GRAMD1B: variants seen among roughly 807,000 people sequenced by gnomAD.
GRAMD1B encodes the protein GRAM domain containing 1B.
GRAMD1B carries 37 observed loss-of-function variants against 99.7 expected under a neutral mutation model. That is an observed-to-expected ratio of 0.37 (90% CI 0.29 to 0.49). GRAMD1B has a LOEUF of 0.49. Among genes scored for constraint, GRAMD1B ranks in the 20% least tolerant of loss-of-function variants. The probability of loss-of-function intolerance (pLI) is 0.98; values close to 1 mark genes in which losing one functional copy is unlikely to be tolerated. For synonymous variants in GRAMD1B, 427 were observed against 387.6 expected, an observed-to-expected ratio of 1.10 and a Z score of -1.19; for missense variants, 888 against 1,009.2, an observed-to-expected ratio of 0.88 and a Z score of 1.63.
intron 1 of GRAMD1B, among the ~76,000 whole-genome samples, chr11:123,391,775 A>G (rs2135858261): frequency 6.6e-6 from 1 of 152,170 alleles, no homozygotes; most frequent in Admixed American, 6.6e-5. Flanking sequence ...TAATTCTTTC[A>G]CCAAATATGT....
intron 1 of GRAMD1B, among the ~76,000 whole-genome samples, chr11:123,448,395 T>G (rs971431559): frequency 6.6e-6 from 1 of 152,102 alleles, no homozygotes; most frequent in Non-Finnish European, 1.5e-5. Context: ...AACTTTTGTA[T>G]TTTTGGTAGA....
At chr11:123,521,758 G>T (rs529165994) in intron 2 of GRAMD1B, among the ~76,000 whole-genome samples, 90 of 152,336 alleles carry the variant, frequency 5.9e-4, no homozygotes, top group African/African-American at 2.1e-3. Flanking sequence ...CTTACAGTGA[G>T]AGTGTAGTCC....
intron 1 of GRAMD1B, among the ~76,000 whole-genome samples, chr11:123,387,628 T>C (rs1253218679): frequency 6.6e-6 from 1 of 152,132 alleles, no homozygotes; most frequent in East Asian, 1.9e-4. Context: ...ACTACTTGGA[T>C]TCCAGCTCCA....
chr11:123,551,590 T>C (rs189799864), intron 2 of GRAMD1B, among the ~76,000 whole-genome samples: 9 of 152,246 alleles, frequency 5.9e-5, no homozygotes, highest in Non-Finnish European at 8.8e-5. Context: ...GGAAAGAACA[T>C]AGGACTTTGT....
intron 2 of GRAMD1B, among the ~76,000 whole-genome samples, chr11:123,521,105 T>TA (rs1378452256): frequency 2.6e-5 from 4 of 152,232 alleles, no homozygotes; most frequent in Non-Finnish European, 4.4e-5. Context: ...GTAGAACTGT[T>TA]ACGTATTAGA....
intron 10 of GRAMD1B, 120 bp from the exon 11 acceptor site, chr11:123,606,489 C>A: frequency 1.2e-6 from 1 of 854,180 alleles, no homozygotes; most frequent in Non-Finnish European, 1.8e-6. Context: ...ACTCTGACTT[C>A]GCTCCTGAGC....
At position 123,610,927 on chromosome 11, in the gene GRAMD1B, G is replaced by A. The variant is rs915249206; in HGVS notation, c.1919+589G>A. ...AATAATTAGTTCTGGGCACTGTGAA[G>A]TGCTTCCAAAGGAAGGAAGACATTT... On this transcript the variant is annotated intron_variant, in intron 14 of 19. Coordinates refer to ENST00000635736, the MANE Select transcript of GRAMD1B (RefSeq NM_001387025.1). The surrounding 1 kb of genome is among the most constrained non-coding windows in gnomAD (Gnocchi z 4.1). Among the ~76,000 whole-genome samples the A allele has an allele frequency of 1.3e-5, 2 of 152,232 alleles. No individual in the cohort carries two copies. The highest frequency in any genetic ancestry group is 2.9e-5 in the Non-Finnish European group (2 of 68,046).
chr11:123,466,374 A>AAGAG (rs10623493), intron 1 of GRAMD1B, among the ~76,000 whole-genome samples: 1 of 130,656 alleles, frequency 7.7e-6, no homozygotes, highest in African/African-American at 2.7e-5. Context: ...AGGAAAAAGA[A>AAGAG]AGAGAGAGAG....
At chr11:123,390,150 A>AT (rs1010290000) in intron 1 of GRAMD1B, among the ~76,000 whole-genome samples, 1 of 151,690 alleles carries the variant, frequency 6.6e-6, no homozygotes, top group Non-Finnish European at 1.5e-5. Flanking sequence ...AAAAAAAAAA[A>AT]AGAGAGAGAG....
chr11:123,464,194 C>T (rs1202274162), intron 1 of GRAMD1B, among the ~76,000 whole-genome samples: 1 of 151,738 alleles, frequency 6.6e-6, no homozygotes, highest in Non-Finnish European at 1.5e-5. Context: ...GTCCCAGCTA[C>T]TCGGCAGGCT....
Position 123,610,985 on chromosome 11 carries a change from A to C in GRAMD1B, c.1919+647A>C, listed in dbSNP as rs1953460298. Reference sequence around the variant, plus strand: ...GACATTTTAAGAAACTTGTAGTCTAATTGAAAAGGCAAGACACACACCCAT... The same window carrying C: ...GACATTTTAAGAAACTTGTAGTCTACTTGAAAAGGCAAGACACACACCCAT... On this transcript the variant is annotated intron_variant, in intron 14 of 19. Coordinates refer to ENST00000635736, the MANE Select transcript of GRAMD1B (RefSeq NM_001387025.1). The surrounding 1 kb of genome is among the most constrained non-coding windows in gnomAD (Gnocchi z 4.1). Among the ~76,000 whole-genome samples, 1 of 152,248 alleles carries C rather than the reference A, an allele frequency of 6.6e-6. No homozygotes were observed. Among genetic ancestry groups the C allele is most frequent in the Admixed American group, 6.5e-5 (1 of 15,288 alleles).
intron 1 of GRAMD1B, among the ~76,000 whole-genome samples, chr11:123,392,081 G>A (rs147934512): frequency 1.8e-4 from 28 of 152,206 alleles, no homozygotes; most frequent in African/African-American, 6.3e-4. Flanking sequence ...GGATCCTGGG[G>A]GAAGAGCATG....
At chr11:123,502,547 G>T (rs945612641) in intron 2 of GRAMD1B, among the ~76,000 whole-genome samples, 17 of 152,122 alleles carry the variant, frequency 1.1e-4, no homozygotes, top group African/African-American at 3.6e-4. Context: ...AGCTGGGGCA[G>T]GTGGATCACC....
chr11:123,369,021 G>A (rs533813966), intron 1 of GRAMD1B, among the ~76,000 whole-genome samples: 20 of 152,216 alleles, frequency 1.3e-4, no homozygotes, highest in Admixed American at 3.3e-4. Context: ...CAGGCTGGGC[G>A]CAGTGACTCA....
chr11:123,423,103 T>C (rs1422670712), intron 1 of GRAMD1B, among the ~76,000 whole-genome samples: 1 of 152,136 alleles, frequency 6.6e-6, no homozygotes, highest in Non-Finnish European at 1.5e-5. Flanking sequence ...TTAAATACTT[T>C]TTGATTGATT....
At chr11:123,500,389 C>G (rs890798421) in intron 2 of GRAMD1B, among the ~76,000 whole-genome samples, 10 of 152,134 alleles carry the variant, frequency 6.6e-5, no homozygotes, top group African/African-American at 2.4e-4. Context: ...CTCAAGAGGT[C>G]CAGTGCGCTA....
chr11:123,552,273 C>CTTTTCTTT (rs1945692261), intron 2 of GRAMD1B, among the ~76,000 whole-genome samples: 1 of 119,370 alleles, frequency 8.4e-6, no homozygotes, highest in Non-Finnish European at 1.7e-5. Flanking sequence ...CTCTTTCTTT[C>CTTTTCTTT]TTTTTTTTTT....
intron 2 of GRAMD1B, among the ~76,000 whole-genome samples, chr11:123,552,494 C>T (rs1245213368): frequency 2.0e-5 from 3 of 151,900 alleles, no homozygotes; most frequent in East Asian, 1.9e-4. Flanking sequence ...AGGCTGTTCT[C>T]GAACTCCTGA....
chr11:123,528,906 T>A (rs950443785), intron 2 of GRAMD1B, among the ~76,000 whole-genome samples: 2 of 152,174 alleles, frequency 1.3e-5, no homozygotes, highest in Non-Finnish European at 2.9e-5. Flanking sequence ...CAGGATACAC[T>A]CTTACGGCTG....
Sources: allele counts gnomAD v4.1 joint callset (sites outside exome capture counted in the v4.1 genomes callset), GRCh38; gene constraint gnomAD v4.1.1; non-coding constraint Gnocchi (gnomAD v3.1); transcripts MANE v1.5; gene names NCBI Gene and HGNC (gene_info 2026-07-23, HGNC 2026-07-21).